GOLIM4: variants seen among roughly 807,000 people sequenced by gnomAD.
The protein encoded by GOLIM4 is 130 kDa golgi-localized phosphoprotein.
In GOLIM4, 71 loss-of-function variants were observed where a neutral mutation model predicts 107.4. That is an observed-to-expected ratio of 0.66 (90% CI 0.55 to 0.81). GOLIM4 has a LOEUF of 0.81. GOLIM4 is among the 30% of genes least tolerant of loss of function. The probability of loss-of-function intolerance (pLI) is 0.00; values close to 1 mark genes in which losing one functional copy is unlikely to be tolerated. For synonymous variants in GOLIM4, 327 were observed against 294.8 expected (o/e 1.11, Z -1.12); for missense variants, 830 against 826.1 (o/e 1.00, Z -0.06).
intron 14 of GOLIM4, among the ~76,000 whole-genome samples, chr3:168,013,902 A>C (rs1485359262): frequency 6.6e-6 from 1 of 151,506 alleles, no homozygotes; most frequent in African/African-American, 2.4e-5. Flanking sequence ...GTGTAGAGGG[A>C]AATTTATAGC....
At chr3:168,046,246 A>C (rs1369223644) in intron 3 of GOLIM4, among the ~76,000 whole-genome samples, 1 of 152,150 alleles carries the variant, frequency 6.6e-6, no homozygotes, top group Non-Finnish European at 1.5e-5. Flanking sequence ...AGAGTAAGAA[A>C]AGAGTAGCTT....
rs1722144275 is a variant in GOLIM4 at position 168,095,477 on chromosome 3, G to T, written c.-192C>A. The T allele has an allele frequency of 1.8e-6, 1 of 541,286 alleles. No individual in the cohort carries two copies. The highest frequency in any genetic ancestry group is 3.2e-6 in the Non-Finnish European group (1 of 310,412). 33.5% of individuals were successfully genotyped at this position (541,286 alleles called of 1,614,324 possible). On this transcript the variant is annotated 5_prime_UTR_variant, in exon 1 of 16. The change creates a premature stop within an existing upstream ORF in the 5' untranslated region. Transcript: ENST00000470487. ...GCGCGGCGCGGGGCGCGCAGCCATC[G>T]ACGCCGCCCGGGCAGCTGCAGCCAA...
chr3:168,027,448 G>T (rs911426319), intron 12 of GOLIM4, among the ~76,000 whole-genome samples: 1 of 148,278 alleles, frequency 6.7e-6, no homozygotes, highest in Admixed American at 6.7e-5. Context: ...GCTTTTCTAG[G>T]TTTTAGTTTT....
chr3:168,033,980 G>GA lies in GOLIM4; in HGVS notation c.844-1129dup, dbSNP rs200717277. On this transcript the variant is annotated intron_variant, in intron 8 of 15. Transcript: ENST00000470487. ...ACTCTTTTTTTCTCTTTAACCTTCA[G>GA]AAAAAAAAATCTTCTTTGGTTAGAC... is the stretch of plus-strand genomic sequence containing the variant. Among the ~76,000 whole-genome samples, 481 of 150,586 alleles carry GA rather than the reference G, an allele frequency of 3.2e-3. 6 individuals carry two copies. Among genetic ancestry groups the GA allele is most frequent in the Admixed American group, 0.019 (294 of 15,164 alleles).
rs772762970 is a variant in GOLIM4, at chr3:168,095,115, G to A, written c.171C>T (p.Leu57=). 1.9e-6 allele frequency: 3 copies of A among 1,603,002 alleles called. No homozygotes were observed. Among genetic ancestry groups the A allele is most frequent in the East Asian group, 4.5e-5 (2 of 44,338 alleles). ...ALKYQQHQES[L]SAQLQVVYEH... is the part of the protein sequence containing the mutation. Reference sequence around the variant, plus strand: ...TAGCCGTACCTTGTAACTGGGCGGAGAGGGACTCCTGGTGCTGCTGGTACT... The same window carrying A: ...TAGCCGTACCTTGTAACTGGGCGGAAAGGGACTCCTGGTGCTGCTGGTACT... The change falls in exon 1 of 16, where the codon CTC becomes CTT. Residue 57 remains leucine (L), a synonymous_variant. Coordinates refer to ENST00000470487, the MANE Select transcript of GOLIM4 (RefSeq NM_014498.5).
Position 168,032,538 on chromosome 3 carries a change from T to C in GOLIM4, c.1158A>G (p.Glu386=), listed in dbSNP as rs1223879352. 6 of 1,613,910 alleles carry C rather than the reference T, an allele frequency of 3.7e-6. No homozygotes were observed. Among genetic ancestry groups the C allele is most frequent in the African/African-American group, 1.3e-5 (1 of 74,908 alleles). ...TTCATACCTCAGCACGCGCGTGCCC[T>C]TCCAGGAGGTTGGCTGCTTCTCGTT... ...HEQREAANLL[E]GHARAEVYPS... Residue 386 remains glutamate, a synonymous_variant, in exon 9 of 16, where the codon GAA becomes GAG. Transcript: ENST00000470487.
chr3:168,076,436 G>A (rs780019352), intron 1 of GOLIM4, among the ~76,000 whole-genome samples: 1 of 152,246 alleles, frequency 6.6e-6, no homozygotes, highest in East Asian at 1.9e-4. Flanking sequence ...GCTCACGCCT[G>A]TAATCCCAGC....
intron 5 of GOLIM4, among the ~76,000 whole-genome samples, chr3:168,042,454 T>C (rs528458763): frequency 1.0e-3 from 152 of 152,310 alleles, no homozygotes; most frequent in African/African-American, 3.6e-3. Flanking sequence ...CTAATTTTTG[T>C]ATTTTTAGTA....
chr3:168,056,509 A>G (rs776952319), intron 1 of GOLIM4, among the ~76,000 whole-genome samples: 10 of 152,200 alleles, frequency 6.6e-5, no homozygotes, highest in Non-Finnish European at 1.5e-4. Context: ...TGCACCTGGA[A>G]AAGCCACAGA....
intron 14 of GOLIM4, among the ~76,000 whole-genome samples, chr3:168,013,795 TA>T (rs1248420774): frequency 6.7e-6 from 1 of 150,084 alleles, no homozygotes; most frequent in Non-Finnish European, 1.5e-5. Context: ...GACTACTGGG[TA>T]CATAACGAAA....
chr3:168,036,007 A>G (rs1157122001), intron 8 of GOLIM4, among the ~76,000 whole-genome samples: 1 of 152,216 alleles, frequency 6.6e-6, no homozygotes, highest in African/African-American at 2.4e-5. Flanking sequence ...AGTGTCAAAC[A>G]GGTCATTTAA....
At chr3:168,086,412 T>C (rs1721623093) in intron 1 of GOLIM4, among the ~76,000 whole-genome samples, 1 of 152,196 alleles carries the variant, frequency 6.6e-6, no homozygotes, top group African/African-American at 2.4e-5. Context: ...TTGCAGATTA[T>C]TTTTTCTGTT....
intron 14 of GOLIM4, among the ~76,000 whole-genome samples, chr3:168,020,483 G>T (rs907199817): frequency 6.6e-6 from 1 of 152,180 alleles, no homozygotes; most frequent in Non-Finnish European, 1.5e-5. Flanking sequence ...TCAAGGGTAA[G>T]GGTCTGGTCC....
At chr3:168,054,248 G>A (rs144924210) in intron 1 of GOLIM4, among the ~76,000 whole-genome samples, 206 of 152,310 alleles carry the variant, frequency 1.4e-3, no homozygotes, top group African/African-American at 3.0e-3. Context: ...GGCCTGGGGG[G>A]GCAAAACCTC....
chr3:168,047,482 C>T (rs372046576), intron 2 of GOLIM4, among the ~76,000 whole-genome samples: 4 of 152,142 alleles, frequency 2.6e-5, no homozygotes, highest in East Asian at 3.8e-4. Flanking sequence ...AAGGAGACTC[C>T]AAATCTTATC....
intron 8 of GOLIM4, among the ~76,000 whole-genome samples, chr3:168,036,103 G>T (rs1471007203): frequency 5.3e-5 from 8 of 152,176 alleles, no homozygotes; most frequent in Non-Finnish European, 8.8e-5. Context: ...TGGGTTGACT[G>T]TCACATAAAA....
intron 8 of GOLIM4, among the ~76,000 whole-genome samples, chr3:168,036,311 C>T (rs1204651704): frequency 5.3e-5 from 8 of 152,218 alleles, no homozygotes; most frequent in East Asian, 1.9e-4. Flanking sequence ...GAAGCCAAGG[C>T]GGGCGGATCA....
intron 9 of GOLIM4, among the ~76,000 whole-genome samples, chr3:168,030,510 C>CAAA (rs11411251): frequency 9.8e-6 from 1 of 102,442 alleles, no homozygotes. Flanking sequence ...TAAGCATAGC[C>CAAA]AAAAAAAAAA....
At chr3:168,080,248 G>A (rs943180407) in intron 1 of GOLIM4, among the ~76,000 whole-genome samples, 2 of 152,080 alleles carry the variant, frequency 1.3e-5, no homozygotes, top group South Asian at 2.1e-4. Flanking sequence ...CAACAGAAAC[G>A]CACTCTGAAA....
Sources: allele counts gnomAD v4.1 joint callset (sites outside exome capture counted in the v4.1 genomes callset), GRCh38; gene constraint gnomAD v4.1.1; transcripts MANE v1.5; gene names NCBI Gene and HGNC (gene_info 2026-07-23, HGNC 2026-07-21).